Variants in BSG observed in about 807,000 individuals in gnomAD.
BSG encodes the protein basigin (Ok blood group).
In BSG, 37 loss-of-function variants were observed where a neutral mutation model predicts 43.1. The observed-to-expected ratio is 0.86, with a 90% CI of 0.66 to 1.13. The LOEUF is 1.13. Ranked by LOEUF, BSG falls within the 50% of genes most tolerant of loss-of-function variation. The probability of loss-of-function intolerance (pLI) is 0.00; values close to 1 mark genes in which losing one functional copy is unlikely to be tolerated. For synonymous variants in BSG, 309 were observed against 238.7 expected, an observed-to-expected ratio of 1.29 and a Z score of -2.72; for missense variants, 599 against 554.2, an observed-to-expected ratio of 1.08 and a Z score of -0.81.
intron 4 of BSG, 22 bp from the exon 5 acceptor site, chr19:580,624 C>T (rs1178837727): frequency 1.9e-6 from 3 of 1,612,156 alleles, no homozygotes; most frequent in Admixed American, 1.7e-5. Context: ...TTCCAGGCTC[C>T]TCTCTCTCAC....
chr19:574,261 A>G (rs1489407184), intron 1 of BSG, among the ~76,000 whole-genome samples: 1 of 150,180 alleles, frequency 6.7e-6, no homozygotes, highest in East Asian at 2.0e-4. Context: ...TTTAAAAAAA[A>G]AAAAAAAAGA....
Position 577,759 on chromosome 19 carries a change from G to GCGC in BSG, c.68-15_68-14insCGC. 2 of 1,393,948 alleles carry GCGC rather than the reference G, an allele frequency of 1.4e-6. No homozygotes were observed. The allele number at this position is 1,393,948 out of a possible 1,614,324, so 86.3% of individuals were successfully genotyped here. Reference sequence around the variant, plus strand: ...CCCAGGCACTAACAAGACCCCACGCGTGCTCTCCCCACAGCCGGCTTCGTC... The same window carrying GCGC: ...CCCAGGCACTAACAAGACCCCACGCGCGCTGCTCTCCCCACAGCCGGCTTCGTC... On this transcript the variant is annotated splice_polypyrimidine_tract_variant and intron_variant, in intron 1 of 8. Transcript: ENST00000333511.
rs1982185054 is a variant in BSG at position 580,425 on chromosome 19, C to T, written c.619C>T (p.Pro207Ser). ...QWGEYSCVFLPEPMGTANIQL... is the reference protein window; with the variant it reads ...QWGEYSCVFLSEPMGTANIQL... ...GGGAGAGTACTCCTGCGTCTTCCTC[C>T]CCGAGCCCATGGGCACGGCCAACAT... Residue 207 changes from proline (P) to serine (S), a missense_variant, in exon 4 of 9, where the codon CCC becomes TCC. Physicochemically the swap from Pro to Ser is moderately conservative, Grantham distance 74 (BLOSUM62 -1). Coordinates refer to ENST00000333511, the MANE Select transcript of BSG (RefSeq NM_001728.4). The T allele has an allele frequency of 6.2e-7, 1 of 1,611,288 alleles. No individual in the cohort carries two copies. The highest frequency in any genetic ancestry group is 8.5e-7 in the Non-Finnish European group (1 of 1,179,916).
intron 3 of BSG, chr19:580,025 G>T: frequency 2.4e-6 from 1 of 413,222 alleles, no homozygotes; most frequent in Non-Finnish European, 4.4e-6. Context: ...ACGCTGTCAT[G>T]GCCGGAGCTT....
At chr19:576,027 C>G (rs1455505480) in intron 1 of BSG, among the ~76,000 whole-genome samples, 2 of 152,234 alleles carry the variant, frequency 1.3e-5, no homozygotes, top group African/African-American at 4.8e-5. Flanking sequence ...CCATCCAAAG[C>G]CTTTTGGTCC....
chr19:572,596 A>T lies in BSG; in HGVS notation c.-39A>T. The T allele has an allele frequency of 6.9e-7, 1 of 1,450,568 alleles. No individual in the cohort carries two copies. The highest frequency in any genetic ancestry group is 3.0e-5 in the East Asian group (1 of 33,206). 89.9% of individuals were successfully genotyped at this position (1,450,568 alleles called of 1,614,324 possible). ...TATAGCGGCCGCGGGCGGCGGCGGC[A>T]GCGGTTGGAGGTTGTAGGACCGGCG... On this transcript the variant is annotated 5_prime_UTR_variant, in exon 1 of 9. Transcript: ENST00000333511.
At chr19:571,784 C>T (rs908370025), upstream of BSG, 4 of 596,384 alleles carry the variant, frequency 6.7e-6, no homozygotes, top group African/African-American at 5.6e-5. Context: ...TGTCCTTTCC[C>T]TGTTGGCTGG....
chr19:577,644 C>G lies in BSG; in HGVS notation c.68-130C>G, dbSNP rs1038827424. 4.0e-6 allele frequency: 3 copies of G among 746,136 alleles called. No individual in the cohort carries two copies. The African/African-American group carries it at 5.5e-5, about 14-fold the overall frequency. 46.2% of individuals were successfully genotyped at this position (746,136 alleles called of 1,614,324 possible). ...GTTTCCAGCCGGGCCCCATCACTCT[C>G]CCACAAGCTGAAAGGAAGTGGCTTC... On this transcript the variant is annotated intron_variant, in intron 1 of 8. Coordinates refer to ENST00000333511, the MANE Select transcript of BSG (RefSeq NM_001728.4).
At chr19:579,205 CT>C in intron 2 of BSG, 3 of 536,678 alleles carry the variant, frequency 5.6e-6, no homozygotes, top group Non-Finnish European at 1.1e-5. Context: ...CAGGCGGGGC[CT>C]CTGGGTTCCC....
intron 1 of BSG, among the ~76,000 whole-genome samples, chr19:577,157 G>C (rs28473389): frequency 0.043 from 6,551 of 152,190 alleles, 462 homozygotes; most frequent in African/African-American, 0.15. Flanking sequence ...AGCTCTGGGG[G>C]CCTTCCCTTG....
In BSG at chr19:580,674, G is replaced by T. The variant is rs754021303; in HGVS notation, c.684G>T (p.Ser228=). Reference sequence around the variant, plus strand: ...CTCCCAGAGTGAAGGCTGTGAAGTCGTCAGAACACATCAACGAGGGGGAGA... The same window carrying T: ...CTCCCAGAGTGAAGGCTGTGAAGTCTTCAGAACACATCAACGAGGGGGAGA... ...HGPPRVKAVK[S]SEHINEGETA... is the part of the protein sequence containing the mutation. The change falls in exon 5 of 9, where the codon TCG becomes TCT. Residue 228 remains serine, a synonymous_variant. Transcript: ENST00000333511. 6.2e-7 allele frequency: 1 copy of T among 1,612,852 alleles called. No homozygotes were observed. Among genetic ancestry groups the T allele is most frequent in the Non-Finnish European group, 8.5e-7 (1 of 1,179,970 alleles).
At chr19:572,455 T>C (rs940915620), upstream of BSG, 11 of 1,154,914 alleles carry the variant, frequency 9.5e-6, no homozygotes, top group African/African-American at 9.8e-5. Flanking sequence ...AGCCGGCGCG[T>C]ACATGCGAGC....
intron 2 of BSG, 140 bp from the exon 3 acceptor site, chr19:579,353 CCGGTCCT>C (rs773837042): frequency 8.9e-7 from 1 of 1,123,536 alleles, no homozygotes; most frequent in East Asian, 2.6e-5. Flanking sequence ...CCTTGGGCCT[CCGGTCCT>C]CGGGGCGTAA....
chr19:576,353 G>A (rs555055894), intron 1 of BSG, among the ~76,000 whole-genome samples: 14 of 152,368 alleles, frequency 9.2e-5, no homozygotes, highest in African/African-American at 2.9e-4. Context: ...GCCTCTGGCT[G>A]TGCTTCCTGC....
At chr19:572,446 G>C, upstream of BSG, 1 of 1,147,260 alleles carries the variant, frequency 8.7e-7, no homozygotes, top group East Asian at 4.3e-5. Flanking sequence ...GCCTGCCGGA[G>C]CCGGCGCGTA....
rs1391914246 is a variant in BSG at position 578,273 on chromosome 19, C to G, written c.415+152C>G. ...CACCGCCTGGACGGAGGGGCCCGGA[C>G]CTGAAGGGGGTGGGCTCGCCGCCTG... On this transcript the variant is annotated intron_variant, in intron 2 of 8. Transcript: ENST00000333511. The G allele has an allele frequency of 3.7e-6, 3 of 815,552 alleles. No homozygotes were observed. The East Asian group carries it at 9.2e-5, about 25-fold the overall frequency. The allele number at this position is 815,552 out of a possible 1,614,324, so 50.5% of individuals were successfully genotyped here.
In BSG at chr19:579,448, G is replaced by T. The variant is rs191842753; in HGVS notation, c.416-52G>T. ...CAGGTTCCTGGGGGTCAGGCAGGCA[G>T]CGCGGGCCGTGCTCCTCCACTCTGC... is the stretch of plus-strand genomic sequence containing the variant. On this transcript the variant is annotated intron_variant, in intron 2 of 8. Coordinates refer to ENST00000333511, the MANE Select transcript of BSG (RefSeq NM_001728.4). The T allele has an allele frequency of 1.5e-3, 2,367 of 1,606,336 alleles. 6 individuals carry two copies. The highest frequency in any genetic ancestry group is 2.3e-3 in the Admixed American group (140 of 59,956).
intron 1 of BSG, among the ~76,000 whole-genome samples, chr19:576,049 A>G (rs776082931): frequency 6.6e-6 from 1 of 152,226 alleles, no homozygotes; most frequent in African/African-American, 2.4e-5. Context: ...TTTGGGAGCG[A>G]TGCTGCCCGC....
upstream of BSG, among the ~76,000 whole-genome samples, chr19:571,917 C>T (rs1443335879): frequency 2.0e-5 from 3 of 152,120 alleles, no homozygotes; most frequent in South Asian, 2.1e-4. Context: ...CAACTTTAGA[C>T]CTGGAAGTTG....
Sources: allele counts gnomAD v4.1 joint callset (sites outside exome capture counted in the v4.1 genomes callset), GRCh38; gene constraint gnomAD v4.1.1; transcripts MANE v1.5; gene names NCBI Gene and HGNC (gene_info 2026-07-23, HGNC 2026-07-21).